The following ETV6 variants were observed in gnomAD, a reference collection of about 807,000 sequenced individuals.
The protein encoded by ETV6 is transcription factor ETV6.
Under a neutral mutation model 51.1 loss-of-function variants are expected in ETV6, and 16 were observed. That is an observed-to-expected ratio of 0.31 (90% CI 0.21 to 0.48). The LOEUF (loss-of-function observed/expected upper bound fraction) is 0.48. ETV6 is among the 20% of genes least tolerant of loss of function. ETV6 has a pLI of 0.99. For missense variants in ETV6, 458 were observed against 594.8 expected, an observed-to-expected ratio of 0.77 and a Z score of 2.39; for synonymous variants, 240 against 224.1, an observed-to-expected ratio of 1.07 and a Z score of -0.64.
At chr12:11,673,636 A>T (rs995415860) in intron 1 of ETV6, among the ~76,000 whole-genome samples, 1 of 152,292 alleles carries the variant, frequency 6.6e-6, no homozygotes. Context: ...ATTTTTTCCT[A>T]CTAGGCCCTC....
chr12:11,845,671 G>A (rs964096788), intron 3 of ETV6, among the ~76,000 whole-genome samples: 2 of 152,132 alleles, frequency 1.3e-5, no homozygotes, highest in African/African-American at 2.4e-5. Context: ...CAATTGGCCT[G>A]CAAAAATGCA....
chr12:11,652,504 C>T (rs377490344), intron 1 of ETV6, among the ~76,000 whole-genome samples: 8 of 152,270 alleles, frequency 5.3e-5, no homozygotes, highest in African/African-American at 1.4e-4. Context: ...TAGTGAAGAA[C>T]GAATGTCAGA....
chr12:11,695,206 A>G (rs906336227), intron 1 of ETV6, among the ~76,000 whole-genome samples: 2 of 152,186 alleles, frequency 1.3e-5, no homozygotes, highest in African/African-American at 4.8e-5. Flanking sequence ...ACAGATTCTA[A>G]TGAATTGAAA....
chr12:11,815,740 G>T (rs1174787499), intron 2 of ETV6, among the ~76,000 whole-genome samples: 1 of 152,226 alleles, frequency 6.6e-6, no homozygotes, highest in Non-Finnish European at 1.5e-5. Context: ...CTTGATGTGT[G>T]TGATGACTTA....
In ETV6 at chr12:11,889,923, C is replaced by T. The variant is rs534425563; in HGVS notation, c.1254-1018C>T. Among the ~76,000 whole-genome samples the T allele has an allele frequency of 1.1e-4, 16 of 152,216 alleles. No individual in the cohort carries two copies. The South Asian group carries it at 3.1e-3, about 30-fold the overall frequency. On this transcript the variant is annotated intron_variant, in intron 7 of 7. Transcript: ENST00000396373. ...AAGGGGACTGGAACGGGTGCTCCTACAGTGTAGGTGGAACATCTGCAACCA... is the reference window on the plus strand; with the variant it reads ...AAGGGGACTGGAACGGGTGCTCCTATAGTGTAGGTGGAACATCTGCAACCA...
rs576258361 is a variant in ETV6 at position 11,868,597 on chromosome 12, C to A, written c.464-827C>A. On this transcript the variant is annotated intron_variant, in intron 4 of 7. Transcript: ENST00000396373. Reference sequence around the variant, plus strand: ...GGATTACAGGCGGGAGCCACCGCACCCAGCCAGGAGTGCTATAAGTTTTAA... The same window carrying A: ...GGATTACAGGCGGGAGCCACCGCACACAGCCAGGAGTGCTATAAGTTTTAA... Among the ~76,000 whole-genome samples, 5 of 151,630 alleles carry A rather than the reference C, an allele frequency of 3.3e-5. No homozygotes were observed. The East Asian group carries it at 9.7e-4, about 29-fold the overall frequency.
chr12:11,837,875 C>T (rs1946338738), intron 2 of ETV6, among the ~76,000 whole-genome samples: 2 of 151,990 alleles, frequency 1.3e-5, no homozygotes, highest in African/African-American at 4.8e-5. Context: ...TAATGGAGAC[C>T]CCAAAGAGCT....
intron 1 of ETV6, among the ~76,000 whole-genome samples, chr12:11,709,693 T>C (rs1308922905): frequency 6.6e-6 from 1 of 152,248 alleles, no homozygotes; most frequent in Admixed American, 6.5e-5. Context: ...TTTAAATTGG[T>C]GGACTTTGAG....
intron 1 of ETV6, among the ~76,000 whole-genome samples, chr12:11,656,917 A>G (rs914045368): frequency 2.6e-5 from 4 of 151,250 alleles, no homozygotes; most frequent in Non-Finnish European, 4.4e-5. Flanking sequence ...CTTTAATATT[A>G]TGTGATTTCC....
chr12:11,786,670 G>A (rs1253374067), intron 2 of ETV6, among the ~76,000 whole-genome samples: 2 of 152,180 alleles, frequency 1.3e-5, no homozygotes, highest in Admixed American at 6.5e-5. Context: ...ACTTGGAGAA[G>A]GATGCCATGG....
rs1037613182 is a variant in ETV6, at chr12:11,835,078, T to C, written c.164-4062T>C. On this transcript the variant is annotated intron_variant, in intron 2 of 7. Coordinates refer to ENST00000396373, the MANE Select transcript of ETV6 (RefSeq NM_001987.5). ...TGTGGCTGCCCATTAAAGCATGGAA[T>C]TGAAGAAATATTAGAAGTAAGTTTA... is the stretch of plus-strand genomic sequence containing the variant. Among the ~76,000 whole-genome samples the C allele has an allele frequency of 2.6e-5, 4 of 152,194 alleles. No individual in the cohort carries two copies. In the East Asian group the frequency reaches 7.7e-4, roughly 29 times the overall value.
intron 2 of ETV6, among the ~76,000 whole-genome samples, chr12:11,819,487 C>T (rs1020734851): frequency 6.6e-6 from 1 of 152,218 alleles, no homozygotes; most frequent in African/African-American, 2.4e-5. Flanking sequence ...CTAGCCTGGG[C>T]CTTTCTCTTA....
chr12:11,789,324 C>T (rs930168882), intron 2 of ETV6, among the ~76,000 whole-genome samples: 7 of 152,042 alleles, frequency 4.6e-5, no homozygotes, highest in South Asian at 2.1e-4. Flanking sequence ...GAGCCACGAT[C>T]GTATTTCTTG....
chr12:11,746,066 G>T (rs1194397536), intron 1 of ETV6, among the ~76,000 whole-genome samples: 1 of 152,198 alleles, frequency 6.6e-6, no homozygotes, highest in Non-Finnish European at 1.5e-5. Flanking sequence ...CTACCCATAG[G>T]ATAAGCAACA....
At chr12:11,841,994 A>G (rs1946397163) in intron 3 of ETV6, among the ~76,000 whole-genome samples, 1 of 150,274 alleles carries the variant, frequency 6.7e-6, no homozygotes, top group Non-Finnish European at 1.5e-5. Context: ...AGGCAGGAGA[A>G]TGGCGTGAAC....
chr12:11,775,088 G>A (rs1386944861), intron 2 of ETV6, among the ~76,000 whole-genome samples: 1 of 152,184 alleles, frequency 6.6e-6, no homozygotes, highest in African/African-American at 2.4e-5. Context: ...TTTCAGCCTT[G>A]GAAGAAGCTT....
At chr12:11,784,692 A>G (rs2724629) in intron 2 of ETV6, among the ~76,000 whole-genome samples, 19 of 151,224 alleles carry the variant, frequency 1.3e-4, no homozygotes, top group Admixed American at 1.3e-3. Context: ...GCTGTAGGCC[A>G]CTGTAAAGAT....
intron 1 of ETV6, among the ~76,000 whole-genome samples, chr12:11,681,408 A>G (rs756628877): frequency 5.3e-5 from 8 of 152,314 alleles, no homozygotes; most frequent in South Asian, 2.1e-4. Flanking sequence ...AGTGACTTCC[A>G]TGGAATGATG....
intron 1 of ETV6, among the ~76,000 whole-genome samples, chr12:11,659,011 T>A (rs1194508138): frequency 6.6e-6 from 1 of 152,232 alleles, no homozygotes; most frequent in Non-Finnish European, 1.5e-5. Context: ...AGAGCATCAA[T>A]TCTCCAGTCT....
Sources: gnomAD v4.1 joint callset for allele counts (sites outside exome capture counted in the v4.1 genomes callset) on GRCh38, gnomAD v4.1.1 for gene constraint, MANE v1.5 for transcripts, NCBI Gene and HGNC (gene_info 2026-07-23, HGNC 2026-07-21) for gene names.